The following SLC36A2 variants were observed in gnomAD, a reference collection of about 807,000 sequenced individuals.
SLC36A2 encodes solute carrier family 36 member 2, also known as proton-coupled amino acid transporter 2.
Under a neutral mutation model 42.7 loss-of-function variants are expected in SLC36A2, and 39 were observed. That is an observed-to-expected ratio of 0.91 (90% CI 0.71 to 1.19). SLC36A2 has a LOEUF of 1.19. Among genes scored for constraint, SLC36A2 ranks in the 50% most tolerant of loss-of-function variants. The pLI is 0.00. For missense variants in SLC36A2, 590 were observed against 613.7 expected, an observed-to-expected ratio of 0.96 and a Z score of 0.41; for synonymous variants, 237 against 240.8, an observed-to-expected ratio of 0.98 and a Z score of 0.15.
At chr5:151,344,345 C>A in intron 1 of SLC36A2, 78 bp from the exon 2 acceptor site, 1 of 1,238,162 alleles carries the variant, frequency 8.1e-7, no homozygotes, top group Non-Finnish European at 1.2e-6. Context: ...TGCAGCATGC[C>A]AGCACCTGAT....
chr5:151,339,229 G>A, intron 4 of SLC36A2, 85 bp from the exon 5 acceptor site: 1 of 1,041,096 alleles, frequency 9.6e-7, no homozygotes, highest in African/African-American at 1.6e-5. Context: ...TCTGCCCTCT[G>A]TTCCCAGGGA....
At chr5:151,347,193 T>C in intron 1 of SLC36A2, 104 bp downstream of exon 1, 1 of 1,422,298 alleles carries the variant, frequency 7.0e-7, no homozygotes, top group Non-Finnish European at 9.9e-7. Flanking sequence ...TGGTTTCTCA[T>C]CTGCACAGTG....
At chr5:151,322,385 C>T (rs559682602) in intron 8 of SLC36A2, among the ~76,000 whole-genome samples, 170 bp from the exon 9 acceptor site, 1 of 152,140 alleles carries the variant, frequency 6.6e-6, no homozygotes, top group African/African-American at 2.4e-5. Flanking sequence ...GCAGAGCATG[C>T]AGTGAAAATA....
chr5:151,325,163 T>C lies in SLC36A2; in HGVS notation c.1010+123A>G, dbSNP rs246497. 0.61 allele frequency: 722,054 copies of C among 1,178,584 alleles called. 227,796 individuals carry two copies. Among genetic ancestry groups the C allele is most frequent in the East Asian group, 0.99 (38,913 of 39,362 alleles). 73.0% of individuals were successfully genotyped at this position (1,178,584 alleles called of 1,614,324 possible). A position where few individuals can be genotyped will look rare whatever the true frequency, so the allele number is the denominator to read the frequency against. On this transcript the variant is annotated intron_variant, in intron 8 of 9. Coordinates refer to ENST00000335244, the MANE Select transcript of SLC36A2 (RefSeq NM_181776.3). ...CTGGAGACCGTGGTTCCAATGACAA[T>C]TCTGCTTCTTCTGTGGGAGGCTCTC...
intron 8 of SLC36A2, among the ~76,000 whole-genome samples, chr5:151,323,258 A>G (rs370701836): frequency 7.3e-4 from 88 of 120,278 alleles, no homozygotes; most frequent in African/African-American, 3.0e-3. Context: ...TAGATAGATA[A>G]ATAAATAAAT....
chr5:151,339,557 G>C (rs1391109488), intron 4 of SLC36A2, among the ~76,000 whole-genome samples: 1 of 152,192 alleles, frequency 6.6e-6, no homozygotes, highest in Non-Finnish European at 1.5e-5. Flanking sequence ...TGATCCGCCT[G>C]CCTTGGCCTC....
intron 7 of SLC36A2, among the ~76,000 whole-genome samples, chr5:151,328,855 C>T (rs1413396390): frequency 6.6e-6 from 1 of 152,162 alleles, no homozygotes; most frequent in African/African-American, 2.4e-5. Flanking sequence ...GCATGATTTG[C>T]CTGCTCACGA....
Position 151,342,873 on chromosome 5 carries a change from G to A in SLC36A2, c.440+15C>T. The A allele has an allele frequency of 2.5e-6, 4 of 1,611,988 alleles. No homozygotes were observed. Among genetic ancestry groups the A allele is most frequent in the Non-Finnish European group, 3.4e-6 (4 of 1,178,100 alleles). On this transcript the variant is annotated intron_variant, in intron 4 of 9. Coordinates refer to ENST00000335244, the MANE Select transcript of SLC36A2 (RefSeq NM_181776.3). ...TGTGTCCTACCCCACTGCAGGCAAA[G>A]CAAGAACAGGTTACCTTCCCCAGTG... is the stretch of plus-strand genomic sequence containing the variant.
At chr5:151,342,408 T>C (rs1756372377) in intron 4 of SLC36A2, among the ~76,000 whole-genome samples, 1 of 152,124 alleles carries the variant, frequency 6.6e-6, no homozygotes, top group African/African-American at 2.4e-5. Flanking sequence ...AGAACTCATC[T>C]CACCCGTTCC....
intron 4 of SLC36A2, 134 bp downstream of exon 4, chr5:151,342,754 T>G (rs1756382832): frequency 1.4e-6 from 1 of 725,248 alleles, no homozygotes; most frequent in Non-Finnish European, 2.5e-6. Flanking sequence ...ATGTTGCCAA[T>G]GAACCCCTTC....
At chr5:151,337,413 T>A (rs1222195910) in intron 5 of SLC36A2, among the ~76,000 whole-genome samples, 8 of 152,218 alleles carry the variant, frequency 5.3e-5, no homozygotes, top group Non-Finnish European at 1.2e-4. Context: ...AGTGGCATCC[T>A]GGCCTGACAC....
chr5:151,329,483 C>T (rs1050088678), intron 7 of SLC36A2, among the ~76,000 whole-genome samples: 26 of 152,170 alleles, frequency 1.7e-4, no homozygotes, highest in African/African-American at 6.0e-4. Flanking sequence ...CTTAAGATGA[C>T]TCAAATGTTG....
intron 9 of SLC36A2, 108 bp downstream of exon 9, chr5:151,321,938 A>G (rs774896975): frequency 2.0e-5 from 30 of 1,476,056 alleles, no homozygotes; most frequent in African/African-American, 2.8e-5. Context: ...TCGGCCTCCC[A>G]AAGTGCCAGG....
chr5:151,340,898 C>T (rs1195153631), intron 4 of SLC36A2, among the ~76,000 whole-genome samples: 1 of 152,120 alleles, frequency 6.6e-6, no homozygotes, highest in African/African-American at 2.4e-5. Context: ...CTTTATGACA[C>T]ATTGTAGGTA....
intron 1 of SLC36A2, among the ~76,000 whole-genome samples, chr5:151,344,973 C>G (rs1756452562): frequency 6.6e-6 from 1 of 152,102 alleles, no homozygotes. Context: ...AGAGGGATTT[C>G]TTTTCTCAGC....
chr5:151,318,521 AAT>A (rs1755581567), intron 9 of SLC36A2, among the ~76,000 whole-genome samples: 3 of 102,790 alleles, frequency 2.9e-5, no homozygotes, highest in Admixed American at 8.2e-5. Context: ...AATAAATAAA[AAT>A]ATAATAATTA....
At chr5:151,338,804 G>T in intron 5 of SLC36A2, 1 of 358,338 alleles carries the variant, frequency 2.8e-6, no homozygotes, top group Non-Finnish European at 5.4e-6. Flanking sequence ...CAAAATCCAA[G>T]GGTCTTTCCA....
At chr5:151,329,778 AATG>A (rs2127291816) in intron 7 of SLC36A2, among the ~76,000 whole-genome samples, 1 of 152,342 alleles carries the variant, frequency 6.6e-6, no homozygotes, top group East Asian at 1.9e-4. Context: ...TTTTTAAAAA[AATG>A]AATAGAGCCT....
rs1407251950 is a variant in SLC36A2 at position 151,346,167 on chromosome 5, A to G, written c.164+1130T>C. Among the ~76,000 whole-genome samples the G allele has an allele frequency of 3.9e-5, 6 of 152,348 alleles. 1 individual carries two copies. The East Asian group carries it at 1.2e-3, about 29-fold the overall frequency. ...TGTATCAGTTCAGGACACAAGAGAC[A>G]GGTGGTTCCCTCAAGGCCTCTGACT... On this transcript the variant is annotated intron_variant, in intron 1 of 9. Transcript: ENST00000335244.
Sources: allele counts gnomAD v4.1 joint callset (sites outside exome capture counted in the v4.1 genomes callset), GRCh38; gene constraint gnomAD v4.1.1; transcripts MANE v1.5; gene names NCBI Gene and HGNC (gene_info 2026-07-23, HGNC 2026-07-21).